SEPTIN10: variants seen among roughly 807,000 people sequenced by gnomAD.
SEPTIN10 encodes septin-10.
In SEPTIN10, 66 loss-of-function variants were observed where a neutral mutation model predicts 54.8. That is an observed-to-expected ratio of 1.21 (90% CI 0.99 to 1.48). The LOEUF is 1.48. SEPTIN10 is among the 40% of genes most tolerant of loss of function. The probability of loss-of-function intolerance (pLI) is 0.00; values close to 1 mark genes in which losing one functional copy is unlikely to be tolerated. For synonymous variants in SEPTIN10, 161 were observed against 181.0 expected (o/e 0.89, Z 0.89); for missense variants, 620 against 545.6 (o/e 1.14, Z -1.36).
chr2:109,607,600 C>A (rs1226473499), intron 1 of SEPTIN10, among the ~76,000 whole-genome samples: 1 of 151,990 alleles, frequency 6.6e-6, no homozygotes, highest in Admixed American at 6.6e-5. Flanking sequence ...ATTACCTGGG[C>A]TAATTTAATA....
chr2:109,601,962 G>A (rs1696691108), intron 1 of SEPTIN10, among the ~76,000 whole-genome samples: 2 of 152,080 alleles, frequency 1.3e-5, no homozygotes, highest in Admixed American at 6.6e-5. Context: ...TGCGCTTCCC[G>A]AGGGAAAAAC....
rs533571124 is a variant in SEPTIN10 at position 109,577,967 on chromosome 2, G to T, written c.414-3200C>A. On this transcript the variant is annotated intron_variant, in intron 4 of 10. Coordinates refer to ENST00000397712, the MANE Select transcript of SEPTIN10 (RefSeq NM_144710.5). ...TATATAATAGCAATCAGGAGAAGCGGTTAAATGAAATTTAACTGTTCTAAA... is the reference window on the plus strand; with the variant it reads ...TATATAATAGCAATCAGGAGAAGCGTTTAAATGAAATTTAACTGTTCTAAA... 6.0e-4 allele frequency among the ~76,000 whole-genome samples: 90 copies of T among 150,750 alleles called. 2 individuals carry two copies. The South Asian group carries it at 0.017, about 28-fold the overall frequency.
At chr2:109,566,564 T>C (rs138828779) in intron 6 of SEPTIN10, among the ~76,000 whole-genome samples, 1 of 152,282 alleles carries the variant, frequency 6.6e-6, no homozygotes, top group East Asian at 1.9e-4. Flanking sequence ...TGTGTGTGTG[T>C]GTACAGTATG....
chr2:109,594,352 G>A (rs1694804318), intron 1 of SEPTIN10, among the ~76,000 whole-genome samples: 1 of 152,124 alleles, frequency 6.6e-6, no homozygotes, highest in Admixed American at 6.5e-5. Context: ...TAATAGCTCA[G>A]CGCTCTTCCC....
At chr2:109,567,641 C>T (rs1687346315) in intron 6 of SEPTIN10, among the ~76,000 whole-genome samples, 174 bp downstream of exon 6, 1 of 152,206 alleles carries the variant, frequency 6.6e-6, no homozygotes, top group Admixed American at 6.5e-5. Context: ...TCTCCTTACA[C>T]CTTTTCCAAC....
intron 4 of SEPTIN10, among the ~76,000 whole-genome samples, chr2:109,581,134 G>A (rs1691013560): frequency 6.6e-6 from 1 of 152,322 alleles, no homozygotes; most frequent in African/African-American, 2.4e-5. Flanking sequence ...CATTTTGAAT[G>A]TACACTTAAA....
chr2:109,567,883 T>C lies in SEPTIN10; in HGVS notation c.694A>G (p.Asn232Asp). 6.2e-7 allele frequency: 1 copy of C among 1,614,084 alleles called. No individual in the cohort carries two copies. The highest frequency in any genetic ancestry group is 8.5e-7 in the Non-Finnish European group (1 of 1,179,976). ...GGGAACTGGTATATCTGGACGCCAT[T>C]GCTGACCAATTCACTCATGAGCTTG... Reference protein sequence around the residue: ...KIKLMSELVSNGVQIYQFPTD... With the variant: ...KIKLMSELVSDGVQIYQFPTD... The change falls in exon 6 of 11, where the codon AAT (asparagine) becomes GAT (aspartate). Residue 232 changes from asparagine (N) to aspartate (D), a missense_variant. Transcript: ENST00000397712.
intron 8 of SEPTIN10, among the ~76,000 whole-genome samples, chr2:109,561,766 G>A (rs925124663): frequency 6.6e-6 from 1 of 152,128 alleles, no homozygotes; most frequent in Admixed American, 6.5e-5. Context: ...GGTCAAAGTG[G>A]TGACTGAGTT....
At chr2:109,586,673 CAG>C (rs1319792983) in intron 2 of SEPTIN10, among the ~76,000 whole-genome samples, 2 of 152,174 alleles carry the variant, frequency 1.3e-5, no homozygotes, top group African/African-American at 4.8e-5. Flanking sequence ...AGGAGCTATG[CAG>C]AGTTTTCAAG....
At chr2:109,560,110 T>C (rs1433878003) in intron 8 of SEPTIN10, among the ~76,000 whole-genome samples, 10 of 151,844 alleles carry the variant, frequency 6.6e-5, no homozygotes, top group Non-Finnish European at 1.5e-4. Context: ...TTAGTAGAGA[T>C]GGGGTTTCAC....
At chr2:109,552,913 T>G in intron 9 of SEPTIN10, 174 bp downstream of exon 9, 1 of 714,534 alleles carries the variant, frequency 1.4e-6, no homozygotes, top group South Asian at 2.4e-5. Flanking sequence ...AAGTTTTCAT[T>G]TAATTTCAGG....
intron 1 of SEPTIN10, among the ~76,000 whole-genome samples, chr2:109,607,796 TAGGG>T (rs1164734307): frequency 6.6e-6 from 1 of 152,124 alleles, no homozygotes; most frequent in African/African-American, 2.4e-5. Context: ...TGTTCACCCC[TAGGG>T]AAACTCTGAC....
chr2:109,570,818 G>A (rs1390025855), intron 5 of SEPTIN10, among the ~76,000 whole-genome samples: 4 of 152,038 alleles, frequency 2.6e-5, no homozygotes, highest in African/African-American at 9.7e-5. Flanking sequence ...CACCACACCC[G>A]GCCTGTATTA....
At chr2:109,580,746 C>G (rs568774408) in intron 4 of SEPTIN10, among the ~76,000 whole-genome samples, 41 of 152,326 alleles carry the variant, frequency 2.7e-4, no homozygotes, top group African/African-American at 9.9e-4. Flanking sequence ...TTTTAAAACA[C>G]TGGGAAACAG....
chr2:109,570,139 A>G (rs1377652557), intron 5 of SEPTIN10, among the ~76,000 whole-genome samples: 5 of 152,184 alleles, frequency 3.3e-5, no homozygotes, highest in East Asian at 1.9e-4. Context: ...CTTCCTGTCT[A>G]GTTTGTACAA....
chr2:109,610,744 T>A (rs1276476481), intron 1 of SEPTIN10, among the ~76,000 whole-genome samples: 1 of 152,008 alleles, frequency 6.6e-6, no homozygotes, highest in African/African-American at 2.4e-5. Context: ...TGAAGAGAAA[T>A]ACTATGTACA....
chr2:109,593,230 C>A, intron 1 of SEPTIN10, 111 bp from the exon 2 acceptor site: 2 of 649,058 alleles, frequency 3.1e-6, no homozygotes, highest in Non-Finnish European at 2.4e-6. Flanking sequence ...GTTGTTATCA[C>A]CAAGTTTTGA....
intron 1 of SEPTIN10, among the ~76,000 whole-genome samples, chr2:109,607,666 G>A (rs976015358): frequency 2.6e-5 from 4 of 152,008 alleles, no homozygotes; most frequent in South Asian, 4.2e-4. Context: ...TCTCCTGAGG[G>A]GGTAATAATG....
At chr2:109,560,831 G>A (rs1224891774) in intron 8 of SEPTIN10, among the ~76,000 whole-genome samples, 1 of 152,044 alleles carries the variant, frequency 6.6e-6, no homozygotes, top group Non-Finnish European at 1.5e-5. Flanking sequence ...CTAGCCTCCT[G>A]CTTTCTCACT....
Sources: allele counts gnomAD v4.1 joint callset (sites outside exome capture counted in the v4.1 genomes callset), GRCh38; gene constraint gnomAD v4.1.1; transcripts MANE v1.5; gene names NCBI Gene and HGNC (gene_info 2026-07-23, HGNC 2026-07-21).